The following NDUFAB1 variants were observed in gnomAD, a reference collection of about 807,000 sequenced individuals.
NDUFAB1 encodes NADH:ubiquinone oxidoreductase subunit AB1.
In NDUFAB1, 5 loss-of-function variants were observed where a neutral mutation model predicts 16.1. The observed-to-expected ratio is 0.31, with a 90% CI of 0.16 to 0.65. NDUFAB1 has a LOEUF of 0.65. Among genes scored for constraint, NDUFAB1 ranks in the 30% least tolerant of loss-of-function variants. NDUFAB1 has a pLI of 0.77. For synonymous variants in NDUFAB1, 85 were observed against 78.4 expected (o/e 1.08, Z -0.44); for missense variants, 187 against 205.3 (o/e 0.91, Z 0.54).
At chr16:23,582,151 T>G (rs780093521) in intron 4 of NDUFAB1, 125 bp downstream of exon 4, 247 of 1,215,474 alleles carry the variant, frequency 2.0e-4, no homozygotes, top group Non-Finnish European at 2.4e-4. Context: ...AGGAAAGGGC[T>G]TGCATTTTAT....
Position 23,596,159 on chromosome 16 carries a change from C to A in NDUFAB1, c.132G>T (p.Arg44Ser), listed in dbSNP as rs754437802. Residue 44 changes from arginine to serine, a missense_variant, in exon 1 of 5, where the codon AGG becomes AGT. Arg to Ser is a moderately radical substitution (Grantham distance 110). Coordinates refer to ENST00000007516, the MANE Select transcript of NDUFAB1 (RefSeq NM_005003.3). Reference protein sequence around the residue: ...TALCSAGTQTRLGTLQPALVL... With the variant: ...TALCSAGTQTSLGTLQPALVL... ...CTAAGGCCGGCTGCAAAGTCCCGAG[C>A]CTCGTCTGGGTCCCCGCGGAGCAGA... The A allele has an allele frequency of 9.3e-6, 15 of 1,610,600 alleles. No individual in the cohort carries two copies. Among genetic ancestry groups the A allele is most frequent in the Non-Finnish European group, 1.2e-5 (14 of 1,178,792 alleles).
At chr16:23,590,347 C>G (rs1274327261) in intron 1 of NDUFAB1, among the ~76,000 whole-genome samples, 1 of 152,194 alleles carries the variant, frequency 6.6e-6, no homozygotes, top group East Asian at 1.9e-4. Flanking sequence ...GGTGCTGGCT[C>G]TCACTAGTTG....
intron 1 of NDUFAB1, 143 bp downstream of exon 1, chr16:23,595,980 T>G: frequency 9.7e-7 from 1 of 1,027,112 alleles, no homozygotes; most frequent in Non-Finnish European, 1.4e-6. Context: ...TAAACACCTT[T>G]AGGCAGCGGG....
chr16:23,593,163 G>A (rs182446554), intron 1 of NDUFAB1, among the ~76,000 whole-genome samples: 108 of 152,258 alleles, frequency 7.1e-4, no homozygotes, highest in African/African-American at 2.6e-3. Flanking sequence ...ATTAGGGGTG[G>A]TGGCTCATGC....
intron 3 of NDUFAB1, among the ~76,000 whole-genome samples, chr16:23,582,766 C>A (rs1367249324): frequency 6.6e-6 from 1 of 150,582 alleles, no homozygotes; most frequent in Non-Finnish European, 1.5e-5. Flanking sequence ...CTCCCTCTCC[C>A]TCTCCCTCTC....
chr16:23,582,551 G>A (rs1019971655), intron 3 of NDUFAB1, among the ~76,000 whole-genome samples, 176 bp from the exon 4 acceptor site: 5 of 149,142 alleles, frequency 3.4e-5, no homozygotes, highest in Non-Finnish European at 5.9e-5. Flanking sequence ...GGTTGGGTAC[G>A]ATGCTTTGGA....
chr16:23,593,727 T>C (rs1465145623), intron 1 of NDUFAB1, among the ~76,000 whole-genome samples: 1 of 152,182 alleles, frequency 6.6e-6, no homozygotes, highest in Non-Finnish European at 1.5e-5. Context: ...GTGATCTGTA[T>C]GTCCAATCAA....
At chr16:23,595,355 G>T (rs184579530) in intron 1 of NDUFAB1, 10 of 354,430 alleles carry the variant, frequency 2.8e-5, no homozygotes, top group Admixed American at 3.8e-5. Flanking sequence ...TATACTACAG[G>T]TACAGTCGTT....
chr16:23,584,135 TCCTCTGCCTAGGAAAAC>T (rs1966209917), intron 3 of NDUFAB1, among the ~76,000 whole-genome samples: 1 of 150,088 alleles, frequency 6.7e-6, no homozygotes, highest in Admixed American at 6.7e-5. Flanking sequence ...GGCCCCAGGG[TCCTCTGCCTAGGAAAAC>T]CAGAGACCTT....
intron 3 of NDUFAB1, 41 bp from the exon 4 acceptor site, chr16:23,582,416 A>AAAAAATCC: frequency 5.3e-6 from 8 of 1,506,522 alleles, no homozygotes; most frequent in Non-Finnish European, 7.1e-6. Flanking sequence ...AGTTAAAAAA[A>AAAAAATCC]AAAAATCCTT....
chr16:23,583,349 C>T (rs1402666050), intron 3 of NDUFAB1, among the ~76,000 whole-genome samples: 3 of 149,300 alleles, frequency 2.0e-5, no homozygotes, highest in Non-Finnish European at 4.5e-5. Flanking sequence ...TCTGCCCGGC[C>T]ACCCATCGTC....
intron 1 of NDUFAB1, among the ~76,000 whole-genome samples, chr16:23,588,256 A>T (rs1966249787): frequency 6.6e-6 from 1 of 151,486 alleles, no homozygotes; most frequent in Non-Finnish European, 1.5e-5. Flanking sequence ...GGAGTTCGAG[A>T]CCAGCCTGGC....
At chr16:23,588,290 A>G (rs575385520) in intron 1 of NDUFAB1, among the ~76,000 whole-genome samples, 1 of 152,062 alleles carries the variant, frequency 6.6e-6, no homozygotes, top group East Asian at 1.9e-4. Flanking sequence ...CCCCGTCTCT[A>G]CTAAAAATAC....
rs1491184220 is a variant in NDUFAB1, at chr16:23,584,255, T to TTA, written c.379+1080_379+1081insTA. On this transcript the variant is annotated intron_variant, in intron 3 of 4. Transcript: ENST00000007516. Reference sequence around the variant, plus strand: ...CGAGAAACACCCAAGAATGATCAATTAAAAAAAAAAAAAAAAAAAGAAACC... The same window carrying TTA: ...CGAGAAACACCCAAGAATGATCAATTTAAAAAAAAAAAAAAAAAAAAGAAACC... Among the ~76,000 whole-genome samples, 2 of 34,064 alleles carry TTA rather than the reference T, an allele frequency of 5.9e-5. 1 individual carries two copies. The highest frequency in any genetic ancestry group is 2.1e-4 in the African/African-American group (2 of 9,680). The allele number at this position is 34,064 out of a possible 152,430, so 22.3% of individuals were successfully genotyped here. A position where few individuals can be genotyped will look rare whatever the true frequency, so the allele number is the denominator to read the frequency against.
chr16:23,582,689 G>C (rs540740669), intron 3 of NDUFAB1, among the ~76,000 whole-genome samples: 63 of 149,946 alleles, frequency 4.2e-4, no homozygotes, highest in African/African-American at 1.4e-3. Flanking sequence ...TCACCATTGT[G>C]TAAAAGAAAC....
In NDUFAB1 at chr16:23,595,096, C is replaced by G. The variant is rs1046453975; in HGVS notation, c.168+1027G>C. ...TGAAACCCCGTCTCCACTAAAAATA[C>G]AAAACTTAGCCGGGCATGGTGGCGG... On this transcript the variant is annotated intron_variant, in intron 1 of 4. Transcript: ENST00000007516. Among the ~76,000 whole-genome samples, 7 of 152,078 alleles carry G rather than the reference C, an allele frequency of 4.6e-5. No homozygotes were observed. In the South Asian group the frequency reaches 1.0e-3, roughly 23 times the overall value.
rs151236115 is a variant in NDUFAB1 at position 23,586,895 on chromosome 16, G to A, written c.291+302C>T. On this transcript the variant is annotated intron_variant, in intron 2 of 4. Coordinates refer to ENST00000007516, the MANE Select transcript of NDUFAB1 (RefSeq NM_005003.3). ...ATTCCCGACCTCAGGTGATCCGCCC[G>A]CCTCGGCCTCCCAAAGTGCTGGGAT... Among the ~76,000 whole-genome samples, 350 of 152,142 alleles carry A rather than the reference G, an allele frequency of 2.3e-3. 1 individual carries two copies. The highest frequency in any genetic ancestry group is 5.8e-3 in the South Asian group (28 of 4,822).
At chr16:23,588,654 C>T (rs898804041) in intron 1 of NDUFAB1, among the ~76,000 whole-genome samples, 1 of 152,146 alleles carries the variant, frequency 6.6e-6, no homozygotes, top group African/African-American at 2.4e-5. Context: ...ACCAGTATAA[C>T]CTCTGTAGAA....
intron 1 of NDUFAB1, among the ~76,000 whole-genome samples, chr16:23,593,849 CTTATTTATTTATTTATTTATTTAT>C (rs57003710): frequency 6.3e-5 from 9 of 143,592 alleles, no homozygotes; most frequent in Middle Eastern, 3.5e-3. Context: ...CTTTTTAACC[CTTATTTATTTATTTATTTATTTAT>C]TTATTTATTT....
Sources: allele counts gnomAD v4.1 joint callset (sites outside exome capture counted in the v4.1 genomes callset), GRCh38; gene constraint gnomAD v4.1.1; transcripts MANE v1.5; gene names NCBI Gene and HGNC (gene_info 2026-07-23, HGNC 2026-07-21).